The following HMBOX1 variants were observed in gnomAD, a reference collection of about 807,000 sequenced individuals.
The protein encoded by HMBOX1 is homeobox-containing protein 1.
A neutral mutation model predicts 54.5 loss-of-function variants in HMBOX1; 14 were observed. The ratio of observed to expected loss-of-function variants is 0.26; its 90% CI spans 0.17 to 0.40. HMBOX1 has a LOEUF of 0.40. HMBOX1 is among the 10% of genes least tolerant of loss of function. The pLI is 1.00. For synonymous variants in HMBOX1, 160 were observed against 181.0 expected (o/e 0.88, Z 0.93); for missense variants, 332 against 514.4 (o/e 0.65, Z 3.43).
intron 1 of HMBOX1, among the ~76,000 whole-genome samples, chr8:28,963,351 A>G (rs887689488): frequency 3.9e-5 from 6 of 152,094 alleles, no homozygotes; most frequent in African/African-American, 1.4e-4. Context: ...TAGAATATAC[A>G]AATATGAAAG....
At chr8:28,945,257 T>C (rs1312312721) in intron 1 of HMBOX1, among the ~76,000 whole-genome samples, 2 of 152,224 alleles carry the variant, frequency 1.3e-5, no homozygotes, top group Non-Finnish European at 1.5e-5. Context: ...GAGGAAGATA[T>C]CATTGTCCAC....
chr8:28,933,029 C>T (rs1819728510), intron 1 of HMBOX1, among the ~76,000 whole-genome samples: 1 of 152,106 alleles, frequency 6.6e-6, no homozygotes, highest in Non-Finnish European at 1.5e-5. Flanking sequence ...TCATTTTTGT[C>T]ACATTCTGTT....
intron 5 of HMBOX1, among the ~76,000 whole-genome samples, chr8:29,017,070 A>G (rs1013255848): frequency 3.9e-5 from 6 of 152,168 alleles, no homozygotes; most frequent in African/African-American, 1.4e-4. Flanking sequence ...GCACTTCTCC[A>G]TGTGGCATTT....
At chr8:28,959,042 G>C (rs528701599) in intron 1 of HMBOX1, among the ~76,000 whole-genome samples, 24 of 152,192 alleles carry the variant, frequency 1.6e-4, no homozygotes, top group South Asian at 1.0e-3. Context: ...GATAGTATCA[G>C]ACTCTGTGTA....
chr8:28,962,153 A>C (rs1191486277), intron 1 of HMBOX1, among the ~76,000 whole-genome samples: 1 of 152,174 alleles, frequency 6.6e-6, no homozygotes, highest in Non-Finnish European at 1.5e-5. Context: ...TCAATTAGAA[A>C]AAAATAATCT....
At chr8:28,985,389 C>T (rs1420728544) in intron 4 of HMBOX1, among the ~76,000 whole-genome samples, 2 of 152,138 alleles carry the variant, frequency 1.3e-5, no homozygotes, top group Non-Finnish European at 2.9e-5. Flanking sequence ...CCAAAGATCC[C>T]GCCTCCTAAA....
chr8:28,963,809 A>C lies in HMBOX1; in HGVS notation c.-57-2A>C, dbSNP rs1262751192. 1 of 1,376,362 alleles carries C rather than the reference A, an allele frequency of 7.3e-7. No homozygotes were observed. The highest frequency in any genetic ancestry group is 1.0e-6 in the Non-Finnish European group (1 of 992,492). 85.3% of individuals were successfully genotyped at this position (1,376,362 alleles called of 1,614,324 possible). A position where few individuals can be genotyped will look rare whatever the true frequency, so the allele number is the denominator to read the frequency against. On this transcript the variant is annotated splice_acceptor_variant, in intron 1 of 9. Transcript: ENST00000287701. LOFTEE classifies it low-confidence loss of function (5UTR_SPLICE). ...TCTCAATTTTCTATCTTTGTTCTACAGAATGGTAGATAACGCAGATCATCT... is the reference window on the plus strand; with the variant it reads ...TCTCAATTTTCTATCTTTGTTCTACCGAATGGTAGATAACGCAGATCATCT...
At chr8:28,973,393 G>A (rs1827775409) in intron 3 of HMBOX1, among the ~76,000 whole-genome samples, 1 of 152,076 alleles carries the variant, frequency 6.6e-6, no homozygotes, top group Non-Finnish European at 1.5e-5. Flanking sequence ...TAGGAAAGGT[G>A]GTTAATTAAC....
At chr8:28,932,118 G>T (rs1406105743) in intron 1 of HMBOX1, among the ~76,000 whole-genome samples, 1 of 152,158 alleles carries the variant, frequency 6.6e-6, no homozygotes, top group Non-Finnish European at 1.5e-5. Context: ...GGAATCAAAC[G>T]TGAAAAGAAT....
chr8:28,987,639 T>G (rs532025813), intron 4 of HMBOX1, among the ~76,000 whole-genome samples: 21 of 152,256 alleles, frequency 1.4e-4, no homozygotes, highest in African/African-American at 5.1e-4. Context: ...TTACTCAGAG[T>G]GAGACCTTAA....
At chr8:29,047,027 T>G (rs1453688235) in intron 7 of HMBOX1, among the ~76,000 whole-genome samples, 2 of 152,182 alleles carry the variant, frequency 1.3e-5, no homozygotes, top group African/African-American at 4.8e-5. Flanking sequence ...ATAATGGTAA[T>G]TAAATGAAGC....
At chr8:29,050,229 T>TA (rs1806237267) in intron 9 of HMBOX1, 19 of 984,964 alleles carry the variant, frequency 1.9e-5, no homozygotes, top group Non-Finnish European at 2.3e-5. Flanking sequence ...AGCTCTTTGA[T>TA]ACGGAGTTCC....
intron 4 of HMBOX1, among the ~76,000 whole-genome samples, chr8:28,989,327 G>A (rs150297765): frequency 6.6e-5 from 10 of 151,808 alleles, no homozygotes; most frequent in African/African-American, 2.4e-4. Flanking sequence ...ATTTTCTCAT[G>A]TTTTCCTCTG....
At chr8:28,895,975 A>G (rs1812021651) in intron 1 of HMBOX1, among the ~76,000 whole-genome samples, 1 of 152,172 alleles carries the variant, frequency 6.6e-6, no homozygotes, top group Non-Finnish European at 1.5e-5. Flanking sequence ...TTGATTGTCA[A>G]CCATACTTTG....
chr8:28,973,555 C>T (rs1315787129), intron 3 of HMBOX1, among the ~76,000 whole-genome samples: 2 of 151,954 alleles, frequency 1.3e-5, no homozygotes, highest in African/African-American at 4.8e-5. Context: ...GTATTCTGTG[C>T]CCTTTTAGGA....
At chr8:29,001,161 A>G (rs1437121358) in intron 4 of HMBOX1, among the ~76,000 whole-genome samples, 1 of 152,222 alleles carries the variant, frequency 6.6e-6, no homozygotes, top group Admixed American at 6.5e-5. Flanking sequence ...AGACAAACAT[A>G]CAAACATACA....
chr8:28,916,009 G>A (rs779586423), intron 1 of HMBOX1: 4 of 151,970 alleles, frequency 2.6e-5, no homozygotes, highest in Non-Finnish European at 4.4e-5. Context: ...GTCTTAATTC[G>A]GACTAGCCAG....
intron 4 of HMBOX1, among the ~76,000 whole-genome samples, chr8:28,985,817 A>G (rs1454341050): frequency 1.3e-5 from 2 of 152,024 alleles, no homozygotes; most frequent in Non-Finnish European, 2.9e-5. Context: ...AACAACAACC[A>G]CTTCATTTTC....
chr8:28,944,743 G>A (rs1057510811), intron 1 of HMBOX1, among the ~76,000 whole-genome samples: 4 of 152,016 alleles, frequency 2.6e-5, no homozygotes, highest in Non-Finnish European at 5.9e-5. Flanking sequence ...CAGCTATTAG[G>A]AAGAAAAAGG....
Sources: gnomAD v4.1 joint callset for allele counts (sites outside exome capture counted in the v4.1 genomes callset) on GRCh38, gnomAD v4.1.1 for gene constraint, MANE v1.5 for transcripts, NCBI Gene and HGNC (gene_info 2026-07-23, HGNC 2026-07-21) for gene names.